The following USP32 variants were observed in gnomAD, a reference collection of about 807,000 sequenced individuals.
USP32 encodes ubiquitin specific peptidase 32.
Under a neutral mutation model 204.8 loss-of-function variants are expected in USP32, and 59 were observed. That is an observed-to-expected ratio of 0.29 (90% CI 0.23 to 0.36). The LOEUF is 0.36. Ranked by LOEUF, USP32 falls within the 10% of genes least tolerant of loss-of-function variation. The probability of loss-of-function intolerance (pLI) is 1.00; values close to 1 mark genes in which losing one functional copy is unlikely to be tolerated. For missense variants in USP32, 1,160 were observed against 1,946.4 expected (o/e 0.60, Z 7.60); for synonymous variants, 517 against 678.4 (o/e 0.76, Z 3.70).
chr17:60,353,856 C>T (rs2089009102), intron 1 of USP32, among the ~76,000 whole-genome samples: 1 of 152,172 alleles, frequency 6.6e-6, no homozygotes, highest in Admixed American at 6.5e-5. Flanking sequence ...TTAACAATTG[C>T]ACAAAACAAA....
chr17:60,230,357 T>A lies in USP32; in HGVS notation c.1240-4126A>T, dbSNP rs115001162. On this transcript the variant is annotated intron_variant, in intron 12 of 33. Transcript: ENST00000300896. ...ATGCTTCTCATTCTGAAGAGCTCAG[T>A]CCATAGGTTAAATCTATATATATCA... Among the ~76,000 whole-genome samples, 213 of 152,286 alleles carry A rather than the reference T, an allele frequency of 1.4e-3. 1 individual carries two copies. Among genetic ancestry groups the A allele is most frequent in the African/African-American group, 4.8e-3 (200 of 41,552 alleles).
At chr17:60,245,145 C>T (rs866588774) in intron 11 of USP32, 65 of 165,408 alleles carry the variant, frequency 3.9e-4, no homozygotes, top group African/African-American at 1.4e-3. Flanking sequence ...TCTTTTAAAC[C>T]AGTAAAAAAT....
At chr17:60,394,871 G>A (rs2089889382), upstream of USP32, among the ~76,000 whole-genome samples, 1 of 152,060 alleles carries the variant, frequency 6.6e-6, no homozygotes, top group African/African-American at 2.4e-5. Context: ...AGCCTCCTGG[G>A]TAGCTGGGAT....
chr17:60,264,658 A>G (rs979134869), intron 9 of USP32, among the ~76,000 whole-genome samples: 1 of 152,038 alleles, frequency 6.6e-6, no homozygotes, highest in African/African-American at 2.4e-5. Context: ...GGGGTTTGAG[A>G]TCAGCCTGGC....
At position 60,294,715 on chromosome 17, in the gene USP32, C is replaced by A. The variant is rs1208166629; in HGVS notation, c.379G>T (p.Val127Phe). ...AAACACTTCCTGAGTGTATCTGGGA[C>A]TTTACCATCCACCACGTGGAGCATT... ...ERMLHVVDGKVPDTLRKCFSE... is the reference protein window; with the variant it reads ...ERMLHVVDGKFPDTLRKCFSE... The change falls in exon 4 of 34, where the codon GTC becomes TTC. Residue 127 changes from valine to phenylalanine, a missense_variant. By Grantham distance (50) the Val-to-Phe change is conservative. This residue lies in a region of USP32 where 536 missense variants were observed against 680.9 expected (regional missense o/e 0.79). Transcript: ENST00000300896. The A allele has an allele frequency of 3.1e-6, 5 of 1,612,672 alleles. No homozygotes were observed. Among genetic ancestry groups the A allele is most frequent in the Non-Finnish European group, 2.5e-6 (3 of 1,179,106 alleles).
chr17:60,281,996 A>G (rs1387094833), intron 5 of USP32, among the ~76,000 whole-genome samples: 1 of 152,152 alleles, frequency 6.6e-6, no homozygotes, highest in Non-Finnish European at 1.5e-5. Context: ...ATTTGGGGTT[A>G]TTTCTCTTAC....
chr17:60,278,459 G>A lies in USP32; in HGVS notation c.572-6978C>T, dbSNP rs551405697. On this transcript the variant is annotated intron_variant, in intron 5 of 33. Coordinates refer to ENST00000300896, the MANE Select transcript of USP32 (RefSeq NM_032582.4). ...AAAGAGGTACATGAAGAGAATCTAA[G>A]GGTTAACTAGGGAAAGGAAAAGGAG... Among the ~76,000 whole-genome samples the A allele has an allele frequency of 5.3e-5, 8 of 151,954 alleles. No individual in the cohort carries two copies. In the South Asian group the frequency reaches 1.5e-3, roughly 28 times the overall value.
At chr17:60,392,153 C>T, upstream of USP32, 1 of 558,170 alleles carries the variant, frequency 1.8e-6, no homozygotes, top group Non-Finnish European at 3.2e-6. Context: ...CGCCCCGCCC[C>T]CTTCCCCTGC....
intron 2 of USP32, among the ~76,000 whole-genome samples, chr17:60,312,512 A>G (rs559313318): frequency 6.6e-6 from 1 of 151,068 alleles, no homozygotes; most frequent in South Asian, 2.1e-4. Flanking sequence ...CGCAGCCTTG[A>G]CCTCCCAGGC....
chr17:60,304,445 T>A (rs1567841303), intron 2 of USP32, among the ~76,000 whole-genome samples: 2 of 151,658 alleles, frequency 1.3e-5, no homozygotes. Flanking sequence ...CTGGAGGAAA[T>A]ATTATGCCAT....
chr17:60,224,597 C>A (rs1253092568), intron 13 of USP32, among the ~76,000 whole-genome samples: 1 of 152,156 alleles, frequency 6.6e-6, no homozygotes, highest in Non-Finnish European at 1.5e-5. Context: ...CCAGCACAGG[C>A]AACATGAGAC....
At chr17:60,289,468 G>A (rs1049199623) in intron 4 of USP32, among the ~76,000 whole-genome samples, 1 of 152,064 alleles carries the variant, frequency 6.6e-6, no homozygotes, top group Admixed American at 6.6e-5. Flanking sequence ...CAACTATCCA[G>A]GTGTCCTCCT....
At chr17:60,293,114 A>G (rs373507068) in intron 4 of USP32, among the ~76,000 whole-genome samples, 1 of 152,210 alleles carries the variant, frequency 6.6e-6, no homozygotes, top group African/African-American at 2.4e-5. Context: ...ATATAAAATA[A>G]CAAGATTCAG....
In USP32 at chr17:60,231,560, C is replaced by A. The variant is rs563464148; in HGVS notation, c.1239+4578G>T. 2.3e-5 allele frequency: 12 copies of A among 518,144 alleles called. No homozygotes were observed. The East Asian group carries it at 6.5e-4, about 28-fold the overall frequency. The allele number at this position is 518,144 out of a possible 1,614,324, so 32.1% of individuals were successfully genotyped here. On this transcript the variant is annotated intron_variant, in intron 12 of 33. Transcript: ENST00000300896. ...ACAAGGCTGCCCCACTCGTGGCAGTCCTGACGACGATCCTCGAGGGCTGCT... is the reference window on the plus strand; with the variant it reads ...ACAAGGCTGCCCCACTCGTGGCAGTACTGACGACGATCCTCGAGGGCTGCT...
At chr17:60,309,671 A>C (rs1279100458) in intron 2 of USP32, among the ~76,000 whole-genome samples, 1 of 152,222 alleles carries the variant, frequency 6.6e-6, no homozygotes, top group Non-Finnish European at 1.5e-5. Context: ...CAACAGGTAC[A>C]TGAAAAAATG....
At chr17:60,346,945 C>T (rs1295793742) in intron 1 of USP32, among the ~76,000 whole-genome samples, 3 of 152,164 alleles carry the variant, frequency 2.0e-5, no homozygotes, top group African/African-American at 7.2e-5. Flanking sequence ...GTCACAGAGA[C>T]TCTGTCCTGT....
chr17:60,414,482 G>A (rs1232332176), intron 1 of USP32, among the ~76,000 whole-genome samples: 1 of 151,420 alleles, frequency 6.6e-6, no homozygotes, highest in Non-Finnish European at 1.5e-5. Context: ...AGGCTGGAGT[G>A]CAGTGGCATA....
chr17:60,231,572 C>A (rs566091192), intron 12 of USP32: 1 of 518,146 alleles, frequency 1.9e-6, no homozygotes. Flanking sequence ...TGACGACGAT[C>A]CTCGAGGGCT....
intron 2 of USP32, among the ~76,000 whole-genome samples, chr17:60,325,342 T>C (rs1300115577): frequency 6.6e-6 from 1 of 151,902 alleles, no homozygotes; most frequent in Non-Finnish European, 1.5e-5. Context: ...CTCTTGAACC[T>C]GGGAGGCAGA....
Sources: allele counts gnomAD v4.1 joint callset (sites outside exome capture counted in the v4.1 genomes callset), GRCh38; gene constraint gnomAD v4.1.1; regional missense constraint gnomAD v4.1.1; transcripts MANE v1.5; gene names NCBI Gene and HGNC (gene_info 2026-07-23, HGNC 2026-07-21).